SMARCAD1: variants seen among roughly 807,000 people sequenced by gnomAD.
The protein encoded by SMARCAD1 is SNF2 related chromatin remodeling ATPase with DExD box 1, also known as SWI/SNF-related matrix-associated actin-dependent regulator of chromatin subfamily A containing DEAD/H box 1.
Under a neutral mutation model 127.1 loss-of-function variants are expected in SMARCAD1, and 25 were observed. That is an observed-to-expected ratio of 0.20 (90% CI 0.14 to 0.27). SMARCAD1 has a LOEUF of 0.27. SMARCAD1 is among the 10% of genes least tolerant of loss of function. SMARCAD1 has a pLI of 1.00. For missense variants in SMARCAD1, 807 were observed against 1,206.0 expected, an observed-to-expected ratio of 0.67 and a Z score of 4.90; for synonymous variants, 400 against 396.9, an observed-to-expected ratio of 1.01 and a Z score of -0.09.
intron 19 of SMARCAD1, among the ~76,000 whole-genome samples, chr4:94,279,540 C>G (rs529927288): frequency 6.6e-6 from 1 of 152,182 alleles, no homozygotes; most frequent in Non-Finnish European, 1.5e-5. Flanking sequence ...TATGGCCTTA[C>G]GGCAGTGACT....
intron 9 of SMARCAD1, 123 bp from the exon 10 acceptor site, chr4:94,264,584 T>G: frequency 1.4e-6 from 1 of 729,342 alleles, no homozygotes; most frequent in Non-Finnish European, 2.2e-6. Flanking sequence ...TCTTAGTAGT[T>G]GACTATAAGC....
chr4:94,216,289 C>T (rs917569854), intron 2 of SMARCAD1, among the ~76,000 whole-genome samples: 4 of 152,058 alleles, frequency 2.6e-5, no homozygotes, highest in African/African-American at 9.7e-5. Context: ...GGGAGTGGGG[C>T]ACAAACAGAC....
chr4:94,213,233 A>C, intron 2 of SMARCAD1: 1 of 509,278 alleles, frequency 2.0e-6, no homozygotes, highest in East Asian at 7.0e-5. Flanking sequence ...TAGAATCACT[A>C]TCTGTAATTC....
intron 23 of SMARCAD1, among the ~76,000 whole-genome samples, chr4:94,287,619 C>T (rs915401953): frequency 2.6e-5 from 4 of 152,080 alleles, no homozygotes; most frequent in Non-Finnish European, 5.9e-5. Context: ...AAAACTCTGG[C>T]GATGGCACCT....
In SMARCAD1 at chr4:94,278,634, C is replaced by G. The variant is rs138860144; in HGVS notation, c.2197C>G (p.Pro733Ala). Residue 733 changes from proline to alanine, a missense_variant, in exon 18 of 24, where the codon CCC becomes GCC. Transcript: ENST00000354268. The part of the protein sequence containing the change: ...VKEEVLKQLP[P>A]KKDRIELCAM... ...GTCTCAGGTTCTCAAGCAGTTACCC[C>G]CCAAGAAAGATCGAATTGAGTTGTG... 411 of 1,613,880 alleles carry G rather than the reference C, an allele frequency of 2.5e-4. No individual in the cohort carries two copies. Among genetic ancestry groups the G allele is most frequent in the Middle Eastern group, 6.6e-4 (4 of 6,060 alleles).
At chr4:94,267,490 T>C (rs1400597644) in intron 10 of SMARCAD1, among the ~76,000 whole-genome samples, 1 of 152,140 alleles carries the variant, frequency 6.6e-6, no homozygotes, top group African/African-American at 2.4e-5. Flanking sequence ...TCACATCACA[T>C]GTACCCCTGT....
chr4:94,226,330 G>A lies in SMARCAD1; in HGVS notation c.368+34G>A, dbSNP rs998723224. On this transcript the variant is annotated intron_variant, in intron 3 of 23. Transcript: ENST00000354268. ...ATTAATAGATATATTGTATTTGCAT[G>A]TGTGTGAGATTTTCCAAGAAAAAAA... 2.6e-5 allele frequency: 40 copies of A among 1,559,982 alleles called. 1 individual carries two copies. The Admixed American group carries it at 4.1e-4, about 16-fold the overall frequency.
rs1176639940 is a variant in SMARCAD1, at chr4:94,284,345, A to G, written c.2910-615A>G. On this transcript the variant is annotated intron_variant, in intron 22 of 23. Transcript: ENST00000354268. Reference sequence around the variant, plus strand: ...CCGTCTCAAAAAAAAAAAAAAAAAAAAAAAAAAAGAAAAAAGTAATTTCCA... The same window carrying G: ...CCGTCTCAAAAAAAAAAAAAAAAAAGAAAAAAAAGAAAAAAGTAATTTCCA... 9.9e-5 allele frequency among the ~76,000 whole-genome samples: 10 copies of G among 100,526 alleles called. 1 individual carries two copies. Among genetic ancestry groups the G allele is most frequent in the East Asian group, 3.9e-4 (1 of 2,550 alleles). The allele number at this position is 100,526 out of a possible 152,430, so 65.9% of individuals were successfully genotyped here.
At chr4:94,238,022 A>C (rs1192378837) in intron 5 of SMARCAD1, among the ~76,000 whole-genome samples, 2 of 152,102 alleles carry the variant, frequency 1.3e-5, no homozygotes, top group African/African-American at 4.8e-5. Flanking sequence ...GTGGATTCTT[A>C]CTACTATTAA....
chr4:94,224,191 C>G (rs570183352), intron 2 of SMARCAD1, among the ~76,000 whole-genome samples: 2 of 152,110 alleles, frequency 1.3e-5, no homozygotes, highest in Non-Finnish European at 2.9e-5. Context: ...AACTTGCATG[C>G]AATGTTTATA....
intron 5 of SMARCAD1, among the ~76,000 whole-genome samples, chr4:94,239,007 C>T (rs141198541): frequency 1.5e-3 from 228 of 152,150 alleles, no homozygotes; most frequent in African/African-American, 5.2e-3. Context: ...TTTTCTTATT[C>T]CATTGTACTT....
At chr4:94,226,483 G>A (rs1745027892) in intron 3 of SMARCAD1, among the ~76,000 whole-genome samples, 187 bp downstream of exon 3, 1 of 127,290 alleles carries the variant, frequency 7.9e-6, no homozygotes, top group African/African-American at 3.0e-5. Context: ...GAGGTACAAT[G>A]TGTGTGTTTT....
At chr4:94,238,722 A>G (rs1412810476) in intron 5 of SMARCAD1, among the ~76,000 whole-genome samples, 2 of 152,220 alleles carry the variant, frequency 1.3e-5, no homozygotes, top group African/African-American at 4.8e-5. Flanking sequence ...TTCCCAATAC[A>G]TTCTTGCTCT....
At chr4:94,279,621 A>G (rs996383468) in intron 19 of SMARCAD1, among the ~76,000 whole-genome samples, 2 of 152,184 alleles carry the variant, frequency 1.3e-5, no homozygotes, top group African/African-American at 4.8e-5. Flanking sequence ...CTTTCTCACT[A>G]CAGGGGCAGA....
At chr4:94,232,557 T>C (rs555291375) in intron 3 of SMARCAD1, among the ~76,000 whole-genome samples, 60 of 152,314 alleles carry the variant, frequency 3.9e-4, no homozygotes, top group African/African-American at 1.4e-3. Flanking sequence ...CCTCAAATAT[T>C]TGAAGGACAG....
intron 2 of SMARCAD1, among the ~76,000 whole-genome samples, chr4:94,222,971 A>G (rs78367636): frequency 6.6e-6 from 1 of 151,996 alleles, no homozygotes; most frequent in African/African-American, 2.4e-5. Context: ...CTCAAAAAAA[A>G]TAAATAAAAT....
At chr4:94,271,843 T>A (rs1161337660) in intron 11 of SMARCAD1, among the ~76,000 whole-genome samples, 1 of 152,232 alleles carries the variant, frequency 6.6e-6, no homozygotes, top group Non-Finnish European at 1.5e-5. Context: ...TAGATAGTCT[T>A]TATATCATAA....
chr4:94,210,676 A>G (rs892943355), intron 2 of SMARCAD1, among the ~76,000 whole-genome samples: 1 of 152,144 alleles, frequency 6.6e-6, no homozygotes, highest in African/African-American at 2.4e-5. Flanking sequence ...GCGGTGGCTG[A>G]AGCCTGTAAT....
chr4:94,274,954 A>T lies in SMARCAD1; in HGVS notation c.1797A>T (p.Val599=), dbSNP rs374849578. Residue 599 remains valine (V), a synonymous_variant, in exon 14 of 24, where the codon GTA becomes GTT. Coordinates refer to ENST00000354268, the MANE Select transcript of SMARCAD1 (RefSeq NM_020159.5). ...NIHSRYEDYN[V]IVTTYNCAIS... is the part of the protein sequence containing the mutation. ...ATAGTAGATATGAAGATTACAATGT[A>T]ATTGTGACCACGTAAGTATTGAGAA... is the stretch of plus-strand genomic sequence containing the variant. The T allele has an allele frequency of 1.9e-6, 3 of 1,597,106 alleles. No individual in the cohort carries two copies. Among genetic ancestry groups the T allele is most frequent in the Non-Finnish European group, 2.6e-6 (3 of 1,166,092 alleles).
Sources: allele counts gnomAD v4.1 joint callset (sites outside exome capture counted in the v4.1 genomes callset), GRCh38; gene constraint gnomAD v4.1.1; transcripts MANE v1.5; gene names NCBI Gene and HGNC (gene_info 2026-07-23, HGNC 2026-07-21).